The following TIGIT variants were observed in gnomAD, a reference collection of about 807,000 sequenced individuals.
The protein encoded by TIGIT is T cell immunoreceptor with Ig and ITIM domains.
A neutral mutation model predicts 19.6 loss-of-function variants in TIGIT; 11 were observed. That is an observed-to-expected ratio of 0.56 (90% confidence interval 0.35 to 0.93). The LOEUF (loss-of-function observed/expected upper bound fraction) is 0.93. Among genes scored for constraint, TIGIT ranks in the 40% least tolerant of loss-of-function variants. The probability of loss-of-function intolerance (pLI) is 0.01; values close to 1 mark genes in which losing one functional copy is unlikely to be tolerated. For synonymous variants in TIGIT, 130 were observed against 125.5 expected (o/e 1.04, Z -0.24); for missense variants, 295 against 303.9 (o/e 0.97, Z 0.22).
Position 114,309,541 on chromosome 3 carries a change from A to G in TIGIT, c.*1410A>G, listed in dbSNP as rs1028859986. 1 of 152,232 alleles carries G rather than the reference A, an allele frequency of 6.6e-6. No individual in the cohort carries two copies. Among genetic ancestry groups the G allele is most frequent in the African/African-American group, 2.4e-5 (1 of 41,454 alleles). The allele number at this position is 152,232 out of a possible 1,614,324, so 9.4% of individuals were successfully genotyped here. A position where few individuals can be genotyped will look rare whatever the true frequency, so the allele number is the denominator to read the frequency against. ...TGACAATTGTTTTAGCAACAAGACA[A>G]TTCAACTATTTCTCCTAGGATTTTT... is the stretch of plus-strand genomic sequence containing the variant. On this transcript the variant is annotated 3_prime_UTR_variant, in exon 4 of 4. Transcript: ENST00000383671.
chr3:114,307,823 GAGA>G (rs2078545494), intron 3 of TIGIT, 69 bp from the exon 4 acceptor site: 2 of 1,343,020 alleles, frequency 1.5e-6, no homozygotes, highest in African/African-American at 1.4e-5. Context: ...AAGGAAGAGA[GAGA>G]TGTCATATTG....
At chr3:114,304,906 T>C (rs541888851) in intron 3 of TIGIT, among the ~76,000 whole-genome samples, 2 of 152,330 alleles carry the variant, frequency 1.3e-5, no homozygotes, top group African/African-American at 2.4e-5. Flanking sequence ...AGCTTTGGCA[T>C]AGAAAATTTA....
rs554243285 is a variant in TIGIT, at chr3:114,310,197, T to G, written c.*2066T>G. On this transcript the variant is annotated 3_prime_UTR_variant, in exon 4 of 4. Transcript: ENST00000383671. ...CTAGATTCTGGAGATTTAATATGAATAATAAGAATACTATTTCAGTAGTTT... is the reference window on the plus strand; with the variant it reads ...CTAGATTCTGGAGATTTAATATGAAGAATAAGAATACTATTTCAGTAGTTT... The G allele has an allele frequency of 6.6e-6, 1 of 152,324 alleles. No homozygotes were observed. The highest frequency in any genetic ancestry group is 2.1e-4 in the South Asian group (1 of 4,830). The allele number at this position is 152,324 out of a possible 1,614,324, so 9.4% of individuals were successfully genotyped here.
chr3:114,297,218 C>G (rs143582771), intron 2 of TIGIT, among the ~76,000 whole-genome samples: 1 of 152,128 alleles, frequency 6.6e-6, no homozygotes, highest in African/African-American at 2.4e-5. Flanking sequence ...AGTTGAGGCT[C>G]TGGAATTGCA....
intron 1 of TIGIT, 94 bp from the exon 2 acceptor site, chr3:114,295,451 C>T: frequency 3.3e-6 from 3 of 913,320 alleles, no homozygotes; most frequent in Non-Finnish European, 5.2e-6. Flanking sequence ...TTCCAAAATC[C>T]AGTTGGGGCC....
chr3:114,303,428 C>G (rs2078504781), intron 3 of TIGIT, among the ~76,000 whole-genome samples: 1 of 150,982 alleles, frequency 6.6e-6, no homozygotes, highest in Admixed American at 6.6e-5. Flanking sequence ...TTTCCAATTC[C>G]ATCCAGGCTG....
At position 114,308,233 on chromosome 3, in the gene TIGIT, G is replaced by A; in HGVS notation, c.*102G>A. 4.8e-6 allele frequency: 4 copies of A among 836,858 alleles called. No individual in the cohort carries two copies. The highest frequency in any genetic ancestry group is 7.9e-6 in the Non-Finnish European group (4 of 508,744). The allele number at this position is 836,858 out of a possible 1,614,324, so 51.8% of individuals were successfully genotyped here. ...ATCAGTGCTGCGTGTGTGTGTGTGT[G>A]TGTATGTGTGTGTGTGTTCAGTTGA... On this transcript the variant is annotated 3_prime_UTR_variant, in exon 4 of 4. Transcript: ENST00000383671.
chr3:114,296,227 C>T lies in TIGIT; in HGVS notation c.391+353C>T, dbSNP rs143396506. Among the ~76,000 whole-genome samples, 98 of 152,280 alleles carry T rather than the reference C, an allele frequency of 6.4e-4. 2 individuals are homozygous for T. The highest frequency in any genetic ancestry group is 2.2e-3 in the African/African-American group (93 of 41,548). On this transcript the variant is annotated intron_variant, in intron 2 of 3. Transcript: ENST00000383671. ...CATTTATTGGTTTAGTATAATTGTG[C>T]AAATTAGAATTAACCCCTAAGTGTA...
chr3:114,294,512 A>G (rs2078440998), intron 1 of TIGIT, among the ~76,000 whole-genome samples: 1 of 152,206 alleles, frequency 6.6e-6, no homozygotes, highest in South Asian at 2.1e-4. Context: ...TTCTCTGTGA[A>G]TTGAAAATGT....
chr3:114,307,903 C>T lies in TIGIT; in HGVS notation c.507C>T (p.Ala169=), dbSNP rs2107956780. 1 of 1,613,964 alleles carries T rather than the reference C, an allele frequency of 6.2e-7. No homozygotes were observed. The highest frequency in any genetic ancestry group is 8.5e-7 in the Non-Finnish European group (1 of 1,179,912). The change falls in exon 4 of 4, where the codon GCC becomes GCT. Residue 169 remains alanine, a synonymous_variant. Transcript: ENST00000383671. Reference sequence around the variant, plus strand: ...AGTTTGTTTGTTTTTAGAAGAAAGCCCTCAGAATCCATTCTGTGGAAGGTG... The same window carrying T: ...AGTTTGTTTGTTTTTAGAAGAAAGCTCTCAGAATCCATTCTGTGGAAGGTG... ...VVVALTRKKK[A]LRIHSVEGDL...
chr3:114,297,963 A>G (rs2078466142), intron 2 of TIGIT, among the ~76,000 whole-genome samples: 2 of 152,154 alleles, frequency 1.3e-5, no homozygotes, highest in African/African-American at 4.8e-5. Context: ...AACTCTCCTT[A>G]ATTACTTGCA....
chr3:114,301,360 A>T (rs2078490942), intron 3 of TIGIT, among the ~76,000 whole-genome samples: 1 of 152,224 alleles, frequency 6.6e-6, no homozygotes, highest in South Asian at 2.1e-4. Flanking sequence ...TGGGAAAGTC[A>T]ATGATCTATA....
intron 1 of TIGIT, 24 bp from the exon 2 acceptor site, chr3:114,295,521 C>G (rs753065303): frequency 6.3e-7 from 1 of 1,587,824 alleles, no homozygotes; most frequent in Non-Finnish European, 8.6e-7. Context: ...CCAGGACTCA[C>G]ATGTGCTTCG....
chr3:114,305,641 C>T (rs990948946), intron 3 of TIGIT, among the ~76,000 whole-genome samples: 21 of 152,106 alleles, frequency 1.4e-4, no homozygotes, highest in African/African-American at 4.6e-4. Flanking sequence ...GAGCAATTCT[C>T]CAGAGAAGGG....
intron 3 of TIGIT, among the ~76,000 whole-genome samples, chr3:114,300,350 C>T (rs2078484500): frequency 1.3e-5 from 2 of 149,952 alleles, no homozygotes; most frequent in Non-Finnish European, 3.0e-5. Flanking sequence ...CCAGCGTGGG[C>T]AACAGAGCAA....
rs1401138013 is a variant in TIGIT, at chr3:114,308,282, C to CCAT, written c.*153_*155dup. 1.5e-6 allele frequency: 1 copy of CCAT among 674,648 alleles called. No individual in the cohort carries two copies. Among genetic ancestry groups the CCAT allele is most frequent in the Non-Finnish European group, 2.6e-6 (1 of 387,554 alleles). The allele number at this position is 674,648 out of a possible 1,614,324, so 41.8% of individuals were successfully genotyped here. A position where few individuals can be genotyped will look rare whatever the true frequency, so the allele number is the denominator to read the frequency against. On this transcript the variant is annotated 3_prime_UTR_variant, in exon 4 of 4. Coordinates refer to ENST00000383671, the MANE Select transcript of TIGIT (RefSeq NM_173799.4). ...GAGTGAATAAATGTCATCCTCTTCT[C>CCAT]CATCTTCATTTCCTTGGCCTTTTCG... is the stretch of plus-strand genomic sequence containing the variant.
In TIGIT at chr3:114,303,925, TTA is replaced by T. The variant is rs199549984; in HGVS notation, c.499-3968_499-3967del. Among the ~76,000 whole-genome samples the T allele has an allele frequency of 3.8e-3, 570 of 151,916 alleles. 2 individuals are homozygous for T. The highest frequency in any genetic ancestry group is 0.013 in the African/African-American group (542 of 41,240). On this transcript the variant is annotated intron_variant, in intron 3 of 3. Transcript: ENST00000383671. ...TTCACCACATCCATGCCAACATGGG[TTA>T]TTTTTTTATTTTTTGATTAAGGCCA...
chr3:114,294,401 G>A (rs1373716355), intron 1 of TIGIT, among the ~76,000 whole-genome samples: 2 of 152,126 alleles, frequency 1.3e-5, no homozygotes, highest in East Asian at 3.8e-4. Flanking sequence ...AGAAGAAGAA[G>A]GGCTGGGCAG....
At chr3:114,298,873 A>G (rs186659153) in intron 2 of TIGIT, among the ~76,000 whole-genome samples, 187 of 152,320 alleles carry the variant, frequency 1.2e-3, no homozygotes, top group Admixed American at 1.7e-3. Context: ...CGCAGCATGC[A>G]TGGGGGTGAT....
Sources: allele counts gnomAD v4.1 joint callset (sites outside exome capture counted in the v4.1 genomes callset), GRCh38; gene constraint gnomAD v4.1.1; transcripts MANE v1.5; gene names NCBI Gene and HGNC (gene_info 2026-07-23, HGNC 2026-07-21).